The following CLVS1 variants were observed in gnomAD, a reference collection of about 807,000 sequenced individuals.
CLVS1 encodes clavesin 1, also known as clavesin-1.
In CLVS1, 10 loss-of-function variants were observed where a neutral mutation model predicts 33.1. The observed-to-expected ratio is 0.30, with a 90% CI of 0.19 to 0.51. The LOEUF is 0.51. Ranked by LOEUF, CLVS1 falls within the 20% of genes least tolerant of loss-of-function variation. The pLI, the probability that CLVS1 is intolerant of heterozygous loss-of-function variation, is 0.97. For missense variants in CLVS1, 343 were observed against 433.4 expected (o/e 0.79, Z 1.85); for synonymous variants, 163 against 166.1 (o/e 0.98, Z 0.14).
chr8:61,254,418 G>T (rs1298852050), intron 2 of CLVS1, among the ~76,000 whole-genome samples: 1 of 152,184 alleles, frequency 6.6e-6, no homozygotes, highest in Non-Finnish European at 1.5e-5. Context: ...CAAGCTGCGT[G>T]CTGGGAGATC....
At chr8:61,419,573 C>T (rs1815577019) in intron 3 of CLVS1, among the ~76,000 whole-genome samples, 1 of 152,120 alleles carries the variant, frequency 6.6e-6, no homozygotes, top group African/African-American at 2.4e-5. Flanking sequence ...GTTTCACCAG[C>T]CAAGGGAACT....
intron 5 of CLVS1, among the ~76,000 whole-genome samples, chr8:61,490,788 G>A (rs1386704846): frequency 1.3e-5 from 2 of 151,152 alleles, no homozygotes; most frequent in East Asian, 1.9e-4. Flanking sequence ...GTGAAACCCC[G>A]TCTCTACTAA....
At chr8:61,064,995 G>A (rs1053335310) in intron 1 of CLVS1, among the ~76,000 whole-genome samples, 2 of 152,182 alleles carry the variant, frequency 1.3e-5, no homozygotes, top group African/African-American at 2.4e-5. Context: ...GAGCCACTGC[G>A]CCCAGCCATT....
chr8:61,324,307 A>G (rs904651463), intron 2 of CLVS1, among the ~76,000 whole-genome samples: 3 of 151,822 alleles, frequency 2.0e-5, no homozygotes, highest in African/African-American at 7.2e-5. Context: ...AAGTCTCATG[A>G]GATTGGATGG....
intron 5 of CLVS1, among the ~76,000 whole-genome samples, chr8:61,499,045 G>T (rs971313121): frequency 6.6e-6 from 1 of 152,168 alleles, no homozygotes; most frequent in African/African-American, 2.4e-5. Flanking sequence ...CAAGAGAAGA[G>T]ATCACTGCAA....
intron 2 of CLVS1, among the ~76,000 whole-genome samples, chr8:61,312,729 T>C (rs1312146113): frequency 2.0e-5 from 3 of 152,216 alleles, no homozygotes. Flanking sequence ...AAGGAGATGT[T>C]GTTATTCTCA....
At chr8:61,346,322 G>T (rs1812218000) in intron 2 of CLVS1, among the ~76,000 whole-genome samples, 1 of 152,072 alleles carries the variant, frequency 6.6e-6, no homozygotes, top group Non-Finnish European at 1.5e-5. Context: ...GCAGACATTT[G>T]CACAGACTCT....
At chr8:61,342,117 G>A (rs978612802) in intron 2 of CLVS1, among the ~76,000 whole-genome samples, 6 of 152,200 alleles carry the variant, frequency 3.9e-5, no homozygotes, top group Non-Finnish European at 5.9e-5. Flanking sequence ...TAAAGCGGGT[G>A]ACTCTTGCTC....
At chr8:61,498,938 A>G (rs780277063) in intron 5 of CLVS1, among the ~76,000 whole-genome samples, 4 of 152,176 alleles carry the variant, frequency 2.6e-5, no homozygotes, top group Non-Finnish European at 5.9e-5. Context: ...AGGTACACTA[A>G]AACATTAAAA....
intron 3 of CLVS1, among the ~76,000 whole-genome samples, chr8:61,433,818 G>A (rs924645709): frequency 1.3e-5 from 2 of 152,140 alleles, no homozygotes; most frequent in Admixed American, 6.5e-5. Context: ...GGAGGCCGAG[G>A]CAGGAGAATT....
At position 61,121,082 on chromosome 8, in the gene CLVS1, G is replaced by A. The variant is rs189163558; in HGVS notation, c.-242-10688G>A. On this transcript the variant is annotated intron_variant, in intron 1 of 2. Transcript: ENST00000522621. ...GCGGGGTATAATCTCGTGGTGCGCC[G>A]TTTTTTAAGCCCGTGGGAAAAGCGC... 5.1e-3 allele frequency among the ~76,000 whole-genome samples: 774 copies of A among 151,826 alleles called. 23 individuals are homozygous for A. The East Asian group carries it at 0.089, about 18-fold the overall frequency.
At chr8:61,125,836 T>C (rs1421129287) in intron 1 of CLVS1, among the ~76,000 whole-genome samples, 5 of 152,200 alleles carry the variant, frequency 3.3e-5, no homozygotes, top group Non-Finnish European at 7.3e-5. Context: ...TGAAATACAA[T>C]GACACATAAT....
chr8:61,457,270 T>C (rs934263458), intron 4 of CLVS1, among the ~76,000 whole-genome samples: 19 of 152,144 alleles, frequency 1.2e-4, no homozygotes, highest in African/African-American at 4.6e-4. Context: ...ATACTGTATG[T>C]ATATGTGCAT....
At chr8:61,281,008 A>G (rs1434827430) in intron 2 of CLVS1, among the ~76,000 whole-genome samples, 1 of 152,216 alleles carries the variant, frequency 6.6e-6, no homozygotes, top group Non-Finnish European at 1.5e-5. Flanking sequence ...TGAGAAATGC[A>G]TGTACTTTTC....
At chr8:61,323,515 C>T (rs1811270384) in intron 2 of CLVS1, among the ~76,000 whole-genome samples, 1 of 152,166 alleles carries the variant, frequency 6.6e-6, no homozygotes, top group African/African-American at 2.4e-5. Context: ...TCACACTTCT[C>T]TCATATGCAA....
the CLVS1 span, among the ~76,000 whole-genome samples, chr8:61,015,460 A>G: frequency 2.0e-5 from 3 of 152,226 alleles, no homozygotes; most frequent in East Asian, 3.8e-4. Context: ...CAGCTGCTCA[A>G]TGTGACTTGC....
chr8:61,444,722 A>T (rs1816690547), intron 3 of CLVS1, among the ~76,000 whole-genome samples: 2 of 152,120 alleles, frequency 1.3e-5, no homozygotes, highest in Non-Finnish European at 2.9e-5. Context: ...CTTGGGCAAG[A>T]GCCTTTATTG....
intron 2 of CLVS1, among the ~76,000 whole-genome samples, chr8:61,375,846 G>T (rs563029846): frequency 6.6e-6 from 1 of 152,146 alleles, no homozygotes; most frequent in African/African-American, 2.4e-5. Flanking sequence ...ACTTCTTCAT[G>T]TCTGAAAATT....
intron 2 of CLVS1, among the ~76,000 whole-genome samples, chr8:61,204,657 T>A (rs552667287): frequency 1.3e-5 from 2 of 152,334 alleles, no homozygotes; most frequent in South Asian, 4.1e-4. Flanking sequence ...AAATGTTAAG[T>A]GCTACAAATT....
Sources: gnomAD v4.1 joint callset for allele counts (sites outside exome capture counted in the v4.1 genomes callset) on GRCh38, gnomAD v4.1.1 for gene constraint, MANE v1.5 for transcripts, NCBI Gene and HGNC (gene_info 2026-07-23, HGNC 2026-07-21) for gene names.